The following CXCR3 variants were observed in gnomAD, a reference collection of about 807,000 sequenced individuals.
The protein encoded by CXCR3 is C-X-C chemokine receptor type 3.
For synonymous variants in CXCR3, 136 were observed against 148.0 expected (o/e 0.92, Z 0.59); for missense variants, 239 against 310.2 (o/e 0.77, Z 1.72).
Position 71,616,416 on chromosome X carries a change from G to T in CXCR3, c.1056C>A (p.Arg352=), listed in dbSNP as rs778096112. The T allele has an allele frequency of 8.3e-7, 1 of 1,208,332 alleles. No individual in the cohort carries two copies. The highest frequency in any genetic ancestry group is 3.0e-5 in the East Asian group (1 of 33,705). ...RGLQRQPSSS[R]RDSSWSETSE... ...AGGTCTCAGACCAGGATGAATCCCG[G>T]CGGGAAGACGATGGCTGCCTCTGGA... Residue 352 remains arginine, a synonymous_variant, in exon 2 of 2, where the codon CGC becomes CGA. Coordinates refer to ENST00000373693, the MANE Select transcript of CXCR3 (RefSeq NM_001504.2).
rs1335195378 is a variant in CXCR3 at position 71,616,347 on chromosome X, G to A, written c.*18C>T. ...GGGAAGTCAGACTGTGGGCGAAAGG[G>A]GAGCCCGGATTCCGGCCTCACAAGC... is the stretch of plus-strand genomic sequence containing the variant. On this transcript the variant is annotated 3_prime_UTR_variant, in exon 2 of 2. Coordinates refer to ENST00000373693, the MANE Select transcript of CXCR3 (RefSeq NM_001504.2). 8.6e-7 allele frequency: 1 copy of A among 1,167,678 alleles called. No individual in the cohort carries two copies. Among genetic ancestry groups the A allele is most frequent in the South Asian group, 2.0e-5 (1 of 50,547 alleles).
intron 1 of CXCR3, 188 bp downstream of exon 1, chrX:71,618,250 A>G (rs776232207): frequency 8.3e-5 from 20 of 241,298 alleles, no homozygotes; most frequent in Non-Finnish European, 9.5e-5. Context: ...GAGGAGAGGC[A>G]CCCAGGGTCA....
intron 1 of CXCR3, among the ~76,000 whole-genome samples, chrX:71,618,141 G>A (rs901536694): frequency 1.9e-5 from 2 of 106,179 alleles, no homozygotes; most frequent in Middle Eastern, 4.3e-3. Flanking sequence ...AGTCCAGCAC[G>A]CCAAGAGTCA....
In CXCR3 at chrX:71,616,421, A is replaced by T; in HGVS notation, c.1051T>A (p.Ser351Thr). ...TCAGACCAGGATGAATCCCGGCGGG[A>T]AGACGATGGCTGCCTCTGGAGCCCT... The part of the protein sequence containing the change: ...QRGLQRQPSS[S>T]RRDSSWSETS... The change falls in exon 2 of 2, where the codon TCC (serine) becomes ACC (threonine). Residue 351 changes from serine to threonine, a missense_variant. Physicochemically the swap from Ser to Thr is moderately conservative, Grantham distance 58. Coordinates refer to ENST00000373693, the MANE Select transcript of CXCR3 (RefSeq NM_001504.2). The T allele has an allele frequency of 8.3e-7, 1 of 1,208,867 alleles. No homozygotes were observed. The highest frequency in any genetic ancestry group is 1.1e-6 in the Non-Finnish European group (1 of 894,028).
intron 1 of CXCR3, 135 bp from the exon 2 acceptor site, chrX:71,617,594 C>T: frequency 1.1e-5 from 13 of 1,139,572 alleles, no homozygotes; most frequent in East Asian, 3.3e-5. Context: ...CTTCCAGGGC[C>T]GTACTTCCTC....
rs761036222 is a variant in CXCR3, at chrX:71,616,296, AGAGG to A, written c.*65_*68del. The A allele has an allele frequency of 3.6e-5, 40 of 1,114,646 alleles. No homozygotes were observed. In the African/African-American group the frequency reaches 7.0e-4, roughly 20 times the overall value. 91.9% of individuals were successfully genotyped at this position (1,114,646 alleles called of 1,213,427 possible). ...GATATTGGGGAGAGCCAGAGCCGGC[AGAGG>A]GAGGGAGGAGCCTGGAATGCGGGGA... On this transcript the variant is annotated 3_prime_UTR_variant, in exon 2 of 2. Coordinates refer to ENST00000373693, the MANE Select transcript of CXCR3 (RefSeq NM_001504.2).
rs1309216318 is a variant in CXCR3 at position 71,617,248 on chromosome X, G to A, written c.224C>T (p.Ala75Val). The change falls in exon 2 of 2, where the codon GCA becomes GTA. Residue 75 changes from alanine (A) to valine (V), a missense_variant. Coordinates refer to ENST00000373693, the MANE Select transcript of CXCR3 (RefSeq NM_001504.2). Reference protein sequence around the residue: ...LLGLLGNGAVAAVLLSRRTAL... With the variant: ...LLGLLGNGAVVAVLLSRRTAL... ...TGTCCGCCGGCTCAGCAGCACGGCTGCCACCGCGCCGTTGCCCAGCAGCCC... is the reference window on the plus strand; with the variant it reads ...TGTCCGCCGGCTCAGCAGCACGGCTACCACCGCGCCGTTGCCCAGCAGCCC... The A allele has an allele frequency of 8.4e-7, 1 of 1,195,896 alleles. No homozygotes were observed. Among genetic ancestry groups the A allele is most frequent in the Non-Finnish European group, 1.1e-6 (1 of 887,863 alleles).
In CXCR3 at chrX:71,616,732, C is replaced by G. The variant is rs979816540; in HGVS notation, c.740G>C (p.Gly247Ala). The change falls in exon 2 of 2, where the codon GGC becomes GCC. Residue 247 changes from glycine to alanine, a missense_variant. By Grantham distance (60) the Gly-to-Ala change is moderately conservative. Coordinates refer to ENST00000373693, the MANE Select transcript of CXCR3 (RefSeq NM_001504.2). ...HILAVLLVSR[G>A]QRRLRAMRLV... ...CCGCATGGCCCGCAGGCGCCGCTGG[C>G]CCCTGGAAACCAGCAGCACGGCCAG... The G allele has an allele frequency of 4.1e-6, 5 of 1,207,404 alleles. No homozygotes were observed. In the East Asian group the frequency reaches 1.5e-4, roughly 36 times the overall value.
In CXCR3 at chrX:71,616,067, C is replaced by T. The variant is rs1274290368; in HGVS notation, c.*298G>A. 1.6e-5 allele frequency: 5 copies of T among 303,782 alleles called. No individual in the cohort carries two copies. The highest frequency in any genetic ancestry group is 2.7e-5 in the African/African-American group (1 of 37,149). 25.0% of individuals were successfully genotyped at this position (303,782 alleles called of 1,213,427 possible). On this transcript the variant is annotated 3_prime_UTR_variant, in exon 2 of 2. Coordinates refer to ENST00000373693, the MANE Select transcript of CXCR3 (RefSeq NM_001504.2). ...GCTTCATGGGGCAGCACCCTCTACG[C>T]CATGCCTTGTACTCCCCGCACTTGG...
chrX:71,617,190 G>A lies in CXCR3; in HGVS notation c.282C>T (p.His94=). ...ALSSTDTFLL[H]LAVADTLLVL... The stretch of plus-strand genomic sequence containing the variant: ...CCAGCAGCGTGTCTGCTACAGCTAG[G>A]TGGAGCAGGAAGGTGTCGGTGCTGC... Residue 94 remains histidine (H), a synonymous_variant, in exon 2 of 2, where the codon CAC becomes CAT. Transcript: ENST00000373693. The A allele has an allele frequency of 8.3e-7, 1 of 1,206,613 alleles. No homozygotes were observed. Among genetic ancestry groups the A allele is most frequent in the Non-Finnish European group, 1.1e-6 (1 of 892,931 alleles).
At position 71,617,211 on chromosome X, in the gene CXCR3, G is replaced by A; in HGVS notation, c.261C>T (p.Ser87=). The A allele has an allele frequency of 8.3e-7, 1 of 1,201,306 alleles. No individual in the cohort carries two copies. Residue 87 remains serine (S), a synonymous_variant, in exon 2 of 2, where the codon AGC becomes AGT. Coordinates refer to ENST00000373693, the MANE Select transcript of CXCR3 (RefSeq NM_001504.2). ...VLLSRRTALS[S]TDTFLLHLAV... ...CTAGGTGGAGCAGGAAGGTGTCGGT[G>A]CTGCTCAGGGCTGTCCGCCGGCTCA... is the stretch of plus-strand genomic sequence containing the variant.
rs1404365522 is a variant in CXCR3, at chrX:71,617,172, C to T, written c.300G>A (p.Thr100=). Residue 100 remains threonine, a synonymous_variant, in exon 2 of 2, where the codon ACG becomes ACA. Transcript: ENST00000373693. ...AGAGCGGCAGTGTCAGCACCAGCAG[C>T]GTGTCTGCTACAGCTAGGTGGAGCA... ...TFLLHLAVAD[T]LLVLTLPLWA... is the part of the protein sequence containing the mutation. 2 of 1,206,232 alleles carry T rather than the reference C, an allele frequency of 1.7e-6. No homozygotes were observed. The highest frequency in any genetic ancestry group is 2.2e-6 in the Non-Finnish European group (2 of 893,180).
chrX:71,618,419 G>C lies in CXCR3; in HGVS notation c.12+19C>G. 1.7e-6 allele frequency: 2 copies of C among 1,211,018 alleles called. No individual in the cohort carries two copies. Among genetic ancestry groups the C allele is most frequent in the Non-Finnish European group, 1.1e-6 (1 of 894,592 alleles). Reference sequence around the variant, plus strand: ...CCACTTCGAATTCTGGCCTGGCCTGGCTGGGCAGCAGCACTTACCTCAAGG... The same window carrying C: ...CCACTTCGAATTCTGGCCTGGCCTGCCTGGGCAGCAGCACTTACCTCAAGG... On this transcript the variant is annotated intron_variant, in intron 1 of 1. Transcript: ENST00000373693.
intron 1 of CXCR3, 169 bp from the exon 2 acceptor site, chrX:71,617,628 TC>T: frequency 9.0e-7 from 1 of 1,116,631 alleles, no homozygotes. Flanking sequence ...CAGCCTGGGC[TC>T]TGGGATAGTG....
chrX:71,617,902 T>C (rs1405232148), intron 1 of CXCR3, among the ~76,000 whole-genome samples: 2 of 105,876 alleles, frequency 1.9e-5, no homozygotes, highest in Non-Finnish European at 3.9e-5. Flanking sequence ...CCTTGGCCCT[T>C]GTCCGGGGAC....
chrX:71,616,105 T>C lies in CXCR3; in HGVS notation c.*260A>G. On this transcript the variant is annotated 3_prime_UTR_variant, in exon 2 of 2. Transcript: ENST00000373693. Reference sequence around the variant, plus strand: ...TCCCCGCACTTGGGGAAGATGAAGTTTTAGTTTCCAAATGAGAAGGGCAGT... The same window carrying C: ...TCCCCGCACTTGGGGAAGATGAAGTCTTAGTTTCCAAATGAGAAGGGCAGT... The C allele has an allele frequency of 2.8e-6, 1 of 354,259 alleles. No homozygotes were observed. The highest frequency in any genetic ancestry group is 4.8e-6 in the Non-Finnish European group (1 of 207,760). 29.2% of individuals were successfully genotyped at this position (354,259 alleles called of 1,213,427 possible).
At chrX:71,617,821 T>C (rs1212837901) in intron 1 of CXCR3, 3 of 529,914 alleles carry the variant, frequency 5.7e-6, no homozygotes, top group Non-Finnish European at 8.3e-6. Flanking sequence ...CCCCAACACA[T>C]AGTTCAACCA....
chrX:71,616,031 C>A lies in CXCR3; in HGVS notation c.*334G>T, dbSNP rs1277431546. 4.1e-6 allele frequency: 1 copy of A among 244,019 alleles called. No homozygotes were observed. The highest frequency in any genetic ancestry group is 2.8e-5 in the African/African-American group (1 of 35,530). The allele number at this position is 244,019 out of a possible 1,213,427, so 20.1% of individuals were successfully genotyped here. A position where few individuals can be genotyped will look rare whatever the true frequency, so the allele number is the denominator to read the frequency against. ...GCCACAGTCACTGCTGAGCTGGAGGCCTGGGCTGTGGCTTCATGGGGCAGC... is the reference window on the plus strand; with the variant it reads ...GCCACAGTCACTGCTGAGCTGGAGGACTGGGCTGTGGCTTCATGGGGCAGC... On this transcript the variant is annotated 3_prime_UTR_variant, in exon 2 of 2. Coordinates refer to ENST00000373693, the MANE Select transcript of CXCR3 (RefSeq NM_001504.2).
At chrX:71,617,656 G>C (rs1388931017) in intron 1 of CXCR3, 197 bp from the exon 2 acceptor site, 2 of 1,104,820 alleles carry the variant, frequency 1.8e-6, no homozygotes, top group Non-Finnish European at 2.4e-6. Context: ...CTTCTCAAAG[G>C]CTGCTTCTCT....
Sources: allele counts gnomAD v4.1 joint callset (sites outside exome capture counted in the v4.1 genomes callset), GRCh38; gene constraint gnomAD v4.1.1; transcripts MANE v1.5; gene names NCBI Gene and HGNC (gene_info 2026-07-23, HGNC 2026-07-21).